The following ASNS variants were observed in gnomAD, a reference collection of about 807,000 sequenced individuals.
ASNS encodes asparagine synthetase (glutamine-hydrolyzing), also known as asparagine synthetase [glutamine-hydrolyzing].
ASNS carries 37 observed loss-of-function variants against 62.6 expected under a neutral mutation model. That is an observed-to-expected ratio of 0.59 (90% CI 0.45 to 0.78). ASNS has a LOEUF of 0.78. Among genes scored for constraint, ASNS ranks in the 30% least tolerant of loss-of-function variants. ASNS has a pLI of 0.00. For synonymous variants in ASNS, 207 were observed against 237.9 expected, an observed-to-expected ratio of 0.87 and a Z score of 1.19; for missense variants, 520 against 682.4, an observed-to-expected ratio of 0.76 and a Z score of 2.65.
the ASNS span, among the ~76,000 whole-genome samples, chr7:97,913,462 T>C: frequency 2.0e-5 from 3 of 152,228 alleles, no homozygotes; most frequent in Admixed American, 2.0e-4. Flanking sequence ...AACATGTGCC[T>C]TTCGTATGCT....
At chr7:97,900,671 C>G in the ASNS span, among the ~76,000 whole-genome samples, 1 of 152,148 alleles carries the variant, frequency 6.6e-6, no homozygotes, top group African/African-American at 2.4e-5. Flanking sequence ...ACACATGGCT[C>G]CTACTGCAAA....
At chr7:97,900,255 G>A in the ASNS span, among the ~76,000 whole-genome samples, 42 of 151,516 alleles carry the variant, frequency 2.8e-4, no homozygotes, top group Admixed American at 1.8e-3. Context: ...CCAGCTACTC[G>A]GGAGGCTGAG....
chr7:97,898,145 A>T, the ASNS span, among the ~76,000 whole-genome samples: 1 of 151,802 alleles, frequency 6.6e-6, no homozygotes, highest in Non-Finnish European at 1.5e-5. Context: ...CCCAGGCTGG[A>T]GTGCAATGGT....
upstream of ASNS, among the ~76,000 whole-genome samples, chr7:97,875,832 C>T (rs13307035): frequency 2.0e-5 from 3 of 151,822 alleles, no homozygotes; most frequent in South Asian, 6.2e-4. Flanking sequence ...TCACAGAAGA[C>T]ATGTGCACTT....
the ASNS span, among the ~76,000 whole-genome samples, chr7:97,897,750 C>A: frequency 4.9e-4 from 74 of 152,292 alleles, no homozygotes; most frequent in Admixed American, 4.3e-3. Flanking sequence ...CAATCCCACT[C>A]CTGGGTATAT....
At chr7:97,926,800 G>A in the ASNS span, among the ~76,000 whole-genome samples, 1 of 152,122 alleles carries the variant, frequency 6.6e-6, no homozygotes, top group African/African-American at 2.4e-5. Context: ...AAAATTCAGT[G>A]GGGTTTCTGC....
At chr7:97,924,117 A>G in the ASNS span, among the ~76,000 whole-genome samples, 5 of 152,106 alleles carry the variant, frequency 3.3e-5, no homozygotes, top group African/African-American at 1.2e-4. Flanking sequence ...ATTAAAGCCC[A>G]GGGCAACACA....
rs529392312 is a variant in ASNS, at chr7:97,860,495, A to G, written c.488-1097T>C. ...AGCAGTCCTGGCAACTGACATATAT[A>G]TATGCTTGTTCTTTGCCATCTGATC... is the stretch of plus-strand genomic sequence containing the variant. On this transcript the variant is annotated intron_variant, in intron 4 of 12. Transcript: ENST00000394308. Among the ~76,000 whole-genome samples, 119 of 152,262 alleles carry G rather than the reference A, an allele frequency of 7.8e-4. 1 individual carries two copies. Among genetic ancestry groups the G allele is most frequent in the Admixed American group, 1.0e-3 (16 of 15,304 alleles).
In ASNS at chr7:97,861,075, G is replaced by T. The variant is rs562260330; in HGVS notation, c.488-1677C>A. On this transcript the variant is annotated intron_variant, in intron 4 of 12. Transcript: ENST00000394308. ...CTCGCTCTGTCACTCAGGCTGGAGT[G>T]CAGTTGCGCGATCTCGGCTTACCGC... Among the ~76,000 whole-genome samples the T allele has an allele frequency of 6.2e-5, 9 of 145,300 alleles. No individual in the cohort carries two copies. The South Asian group carries it at 1.3e-3, about 21-fold the overall frequency.
the ASNS span, among the ~76,000 whole-genome samples, chr7:97,894,417 A>G: frequency 1.3e-5 from 2 of 151,154 alleles, no homozygotes; most frequent in African/African-American, 4.9e-5. Flanking sequence ...CAAAGAATCA[A>G]CAAGATAAAA....
At chr7:97,904,513 C>G in the ASNS span, among the ~76,000 whole-genome samples, 1 of 152,064 alleles carries the variant, frequency 6.6e-6, no homozygotes, top group South Asian at 2.1e-4. Flanking sequence ...GTTGCAATAC[C>G]TCGAGTATCA....
At chr7:97,875,634 C>G (rs1256872199), upstream of ASNS, among the ~76,000 whole-genome samples, 1 of 152,220 alleles carries the variant, frequency 6.6e-6, no homozygotes, top group African/African-American at 2.4e-5. Flanking sequence ...GGAGGTGACT[C>G]AAGTTGCTGC....
chr7:97,906,465 G>T, the ASNS span: 1 of 204,506 alleles, frequency 4.9e-6, no homozygotes, highest in Non-Finnish European at 9.9e-6. Flanking sequence ...TGGAGTGAGT[G>T]GTTATCTTTT....
the ASNS span, among the ~76,000 whole-genome samples, chr7:97,916,118 C>T: frequency 6.6e-6 from 1 of 152,138 alleles, no homozygotes; most frequent in Admixed American, 6.5e-5. Context: ...CATGGTGGCT[C>T]ACGCCTGTAA....
chr7:97,880,375 C>T, the ASNS span, among the ~76,000 whole-genome samples: 2 of 152,164 alleles, frequency 1.3e-5, no homozygotes, highest in African/African-American at 2.4e-5. Context: ...TCGCCTACCT[C>T]GGCTTCCCAA....
the ASNS span, among the ~76,000 whole-genome samples, chr7:97,880,867 T>G: frequency 7.9e-5 from 12 of 152,336 alleles, no homozygotes; most frequent in South Asian, 2.5e-3. Context: ...AGATCAATTA[T>G]TACAGAATCC....
intron 5 of ASNS, 116 bp from the exon 6 acceptor site, chr7:97,859,071 T>G (rs1255226110): frequency 1.5e-6 from 2 of 1,375,126 alleles, no homozygotes; most frequent in African/African-American, 2.9e-5. Context: ...AATGGTGGAG[T>G]GTGCCAAATC....
chr7:97,885,260 A>G, the ASNS span, among the ~76,000 whole-genome samples: 17 of 146,870 alleles, frequency 1.2e-4, no homozygotes, highest in East Asian at 1.7e-3. Context: ...TCCATTGCAT[A>G]GTCAAACCAT....
the ASNS span, among the ~76,000 whole-genome samples, chr7:97,885,199 C>T: frequency 8.0e-3 from 1,145 of 143,084 alleles, no homozygotes; most frequent in African/African-American, 0.021. Context: ...ATAGTTCATC[C>T]GTGTTGTAGC....
Sources: allele counts gnomAD v4.1 joint callset (sites outside exome capture counted in the v4.1 genomes callset), GRCh38; gene constraint gnomAD v4.1.1; transcripts MANE v1.5; gene names NCBI Gene and HGNC (gene_info 2026-07-23, HGNC 2026-07-21).